Variants in SCEL observed in about 807,000 individuals in gnomAD.
SCEL encodes sciellin.
Under a neutral mutation model 117.6 loss-of-function variants are expected in SCEL, and 113 were observed. That is an observed-to-expected ratio of 0.96 (90% confidence interval 0.83 to 1.12). The LOEUF (loss-of-function observed/expected upper bound fraction) is 1.12, where lower values mean the gene tolerates loss of function less well. SCEL is among the 50% of genes most tolerant of loss of function. SCEL has a pLI of 0.00. For missense variants in SCEL, 785 were observed against 810.8 expected (o/e 0.97, Z 0.39); for synonymous variants, 270 against 256.2 (o/e 1.05, Z -0.51).
At chr13:77,593,297 T>TGTGTGTG (rs776632183) in intron 11 of SCEL, among the ~76,000 whole-genome samples, 59 of 117,156 alleles carry the variant, frequency 5.0e-4, no homozygotes, top group Middle Eastern at 4.0e-3. Flanking sequence ...TGTGTGTGTG[T>TGTGTGTG]CTGTGTGTGT....
At chr13:77,640,554 G>C (rs559882334) in intron 30 of SCEL, 122 bp from the exon 31 acceptor site, 1 of 411,876 alleles carries the variant, frequency 2.4e-6, no homozygotes, top group East Asian at 3.7e-5. Flanking sequence ...TTGTTTTTTT[G>C]TGAAATTTTC....
chr13:77,640,617 G>A (rs1166589571), intron 30 of SCEL, 59 bp from the exon 31 acceptor site: 8 of 746,856 alleles, frequency 1.1e-5, no homozygotes, highest in Admixed American at 2.6e-5. Flanking sequence ...AGTTTATAGG[G>A]AATACATCTG....
At chr13:77,622,339 C>T (rs1209349008) in intron 27 of SCEL, among the ~76,000 whole-genome samples, 2 of 152,202 alleles carry the variant, frequency 1.3e-5, no homozygotes, top group African/African-American at 4.8e-5. Context: ...ATAAGTTTCT[C>T]ATATGCAGAG....
chr13:77,626,034 A>G (rs1052561110), intron 27 of SCEL, among the ~76,000 whole-genome samples: 1 of 152,194 alleles, frequency 6.6e-6, no homozygotes, highest in Non-Finnish European at 1.5e-5. Flanking sequence ...GTCTGTTCTC[A>G]TGCTGCCAAT....
At chr13:77,627,897 T>A in intron 27 of SCEL, 50 bp from the exon 28 acceptor site, 2 of 750,878 alleles carry the variant, frequency 2.7e-6, no homozygotes, top group Non-Finnish European at 4.2e-6. Flanking sequence ...ATTTTCTTAT[T>A]TCCTATCATT....
intron 27 of SCEL, among the ~76,000 whole-genome samples, chr13:77,620,581 A>G (rs1345071577): frequency 6.6e-6 from 1 of 152,140 alleles, no homozygotes; most frequent in Non-Finnish European, 1.5e-5. Context: ...TGTGCACAAA[A>G]TTTTCATTTA....
chr13:77,542,126 A>G (rs1057148391), intron 1 of SCEL, among the ~76,000 whole-genome samples: 3 of 152,192 alleles, frequency 2.0e-5, no homozygotes, highest in African/African-American at 7.2e-5. Flanking sequence ...GCTGTAAGAA[A>G]AAGAGCTGGT....
intron 5 of SCEL, 127 bp from the exon 6 acceptor site, chr13:77,567,553 A>C: frequency 1.5e-6 from 1 of 656,494 alleles, no homozygotes; most frequent in Non-Finnish European, 2.6e-6. Context: ...AAAATGTAAC[A>C]CTTGAAAAAT....
At chr13:77,620,800 G>GA (rs11398710) in intron 27 of SCEL, among the ~76,000 whole-genome samples, 139,716 of 151,352 alleles carry the variant, frequency 0.92, 64,529 homozygotes, top group South Asian at 0.96. Flanking sequence ...ATCTAAAGTA[G>GA]AAAAAAAAAT....
intron 24 of SCEL, among the ~76,000 whole-genome samples, chr13:77,615,080 A>G (rs1401598130): frequency 6.6e-6 from 1 of 152,196 alleles, no homozygotes; most frequent in Non-Finnish European, 1.5e-5. Context: ...CTTGCTGAAT[A>G]TAGAATATAT....
intron 27 of SCEL, among the ~76,000 whole-genome samples, chr13:77,624,173 C>T (rs897011969): frequency 1.4e-5 from 2 of 146,596 alleles, no homozygotes; most frequent in South Asian, 2.2e-4. Flanking sequence ...GGTGGGATCT[C>T]GACTGACTGC....
intron 24 of SCEL, 145 bp downstream of exon 24, chr13:77,614,100 T>C (rs1274501732): frequency 8.6e-6 from 6 of 700,036 alleles, no homozygotes; most frequent in Non-Finnish European, 1.5e-5. Flanking sequence ...TCAGTATTTG[T>C]TAATTGCAAG....
chr13:77,626,726 C>A (rs1321338545), intron 27 of SCEL, among the ~76,000 whole-genome samples: 1 of 152,156 alleles, frequency 6.6e-6, no homozygotes. Context: ...TGGAGCCTCC[C>A]CAGCCATATG....
chr13:77,569,260 T>C, intron 7 of SCEL, 111 bp from the exon 8 acceptor site: 1 of 792,102 alleles, frequency 1.3e-6, no homozygotes, highest in Non-Finnish European at 2.0e-6. Context: ...GTGAAACATT[T>C]TATGAACAGA....
At position 77,628,040 on chromosome 13, in the gene SCEL, T is replaced by C. The variant is rs191412068; in HGVS notation, c.1691+31T>C. 3.8e-5 allele frequency: 41 copies of C among 1,090,358 alleles called. No homozygotes were observed. In the Admixed American group the frequency reaches 8.0e-4, roughly 21 times the overall value. The allele number at this position is 1,090,358 out of a possible 1,614,324, so 67.5% of individuals were successfully genotyped here. Reference sequence around the variant, plus strand: ...GCTTATTATAATTCACTTTTTTTCTTATGAGTTCTATATGCATCTGCATAT... The same window carrying C: ...GCTTATTATAATTCACTTTTTTTCTCATGAGTTCTATATGCATCTGCATAT... On this transcript the variant is annotated intron_variant, in intron 28 of 32. Coordinates refer to ENST00000349847, the MANE Select transcript of SCEL (RefSeq NM_144777.3).
chr13:77,596,647 A>T (rs549642008), intron 12 of SCEL, among the ~76,000 whole-genome samples: 1 of 151,764 alleles, frequency 6.6e-6, no homozygotes, highest in South Asian at 2.1e-4. Flanking sequence ...CTGATTTGTG[A>T]ACAGAAAAAC....
chr13:77,535,938 T>A (rs898825493), intron 1 of SCEL, 114 bp downstream of exon 1: 8 of 152,248 alleles, frequency 5.3e-5, no homozygotes, highest in Non-Finnish European at 4.4e-5. Flanking sequence ...TTGTCTTTTC[T>A]TCCTGTAAAT....
chr13:77,569,232 C>T, intron 7 of SCEL, 139 bp from the exon 8 acceptor site: 1 of 619,576 alleles, frequency 1.6e-6, no homozygotes, highest in Non-Finnish European at 2.8e-6. Context: ...AGATTTTTGG[C>T]TGTTTTTCTA....
chr13:77,578,561 G>T (rs975973997), intron 9 of SCEL, among the ~76,000 whole-genome samples: 5 of 152,158 alleles, frequency 3.3e-5, no homozygotes, highest in African/African-American at 7.2e-5. Flanking sequence ...TTCTCTGGGA[G>T]ATCTGATGTT....
Sources: allele counts gnomAD v4.1 joint callset (sites outside exome capture counted in the v4.1 genomes callset), GRCh38; gene constraint gnomAD v4.1.1; transcripts MANE v1.5; gene names NCBI Gene and HGNC (gene_info 2026-07-23, HGNC 2026-07-21).